The following GLCE variants were observed in gnomAD, a reference collection of about 807,000 sequenced individuals.
The protein encoded by GLCE is D-glucuronyl C5-epimerase.
In GLCE, 19 loss-of-function variants were observed where a neutral mutation model predicts 47.9. The ratio of observed to expected loss-of-function variants is 0.40; its 90% CI spans 0.28 to 0.58. The LOEUF is 0.58. Among genes scored for constraint, GLCE ranks in the 20% least tolerant of loss-of-function variants. The pLI is 0.48. For synonymous variants in GLCE, 245 were observed against 263.4 expected, an observed-to-expected ratio of 0.93 and a Z score of 0.68; for missense variants, 556 against 743.3, an observed-to-expected ratio of 0.75 and a Z score of 2.93.
At chr15:69,261,021 A>G (rs536473268) in intron 3 of GLCE, 66 bp from the exon 4 acceptor site, 2 of 1,429,848 alleles carry the variant, frequency 1.4e-6, no homozygotes, top group South Asian at 2.5e-5. Flanking sequence ...ATCAGTGAGG[A>G]ATGGTATTAG....
chr15:69,180,365 T>TG (rs2140339642), intron 1 of GLCE, among the ~76,000 whole-genome samples: 1 of 152,068 alleles, frequency 6.6e-6, no homozygotes, highest in South Asian at 2.1e-4. Context: ...ACCCCTACCC[T>TG]GAGAAGACAT....
At chr15:69,212,462 A>C (rs1164984729) in intron 2 of GLCE, among the ~76,000 whole-genome samples, 7 of 152,028 alleles carry the variant, frequency 4.6e-5, no homozygotes, top group Non-Finnish European at 1.0e-4. Context: ...TCATTATAAA[A>C]TCAAATACTG....
At chr15:69,253,505 C>T (rs1302463710) in intron 2 of GLCE, among the ~76,000 whole-genome samples, 1 of 152,146 alleles carries the variant, frequency 6.6e-6, no homozygotes, top group Non-Finnish European at 1.5e-5. Context: ...CGAAGATCAC[C>T]AGGCATGGTG....
intron 2 of GLCE, among the ~76,000 whole-genome samples, chr15:69,248,350 T>C (rs1051625349): frequency 6.6e-6 from 1 of 152,240 alleles, no homozygotes; most frequent in Non-Finnish European, 1.5e-5. Context: ...TAAATCTGTT[T>C]TAAAATCGGC....
rs558222092 is a variant in GLCE, at chr15:69,231,166, G to A, written c.-14+20760G>A. 1.3e-3 allele frequency among the ~76,000 whole-genome samples: 199 copies of A among 152,260 alleles called. 2 individuals are homozygous for A. Among genetic ancestry groups the A allele is most frequent in the African/African-American group, 4.6e-3 (190 of 41,552 alleles). ...TGGTGCTCTGCTTAGGTATGGGTAA[G>A]CAGGGGTGAGACAGATTTTATTATA... is the stretch of plus-strand genomic sequence containing the variant. On this transcript the variant is annotated intron_variant, in intron 2 of 4. Coordinates refer to ENST00000261858, the MANE Select transcript of GLCE (RefSeq NM_015554.3).
At chr15:69,178,674 T>C (rs539712316) in intron 1 of GLCE, among the ~76,000 whole-genome samples, 1 of 152,146 alleles carries the variant, frequency 6.6e-6, no homozygotes, top group Admixed American at 6.5e-5. Context: ...TACACAACAC[T>C]GGCAAAGATA....
chr15:69,259,883 AAC>A (rs2052986825), intron 3 of GLCE, among the ~76,000 whole-genome samples: 1 of 152,212 alleles, frequency 6.6e-6, no homozygotes, highest in Admixed American at 6.5e-5. Flanking sequence ...TCTACAACAA[AAC>A]ACATAAAATT....
chr15:69,216,604 A>T (rs1188588240), intron 2 of GLCE, among the ~76,000 whole-genome samples: 3 of 152,050 alleles, frequency 2.0e-5, no homozygotes, highest in Non-Finnish European at 4.4e-5. Context: ...ATGTGCGGGG[A>T]TGCCATGTTA....
At chr15:69,163,457 C>A (rs1394274491) in intron 1 of GLCE, among the ~76,000 whole-genome samples, 2 of 152,008 alleles carry the variant, frequency 1.3e-5, no homozygotes, top group African/African-American at 2.4e-5. Flanking sequence ...TTTTTAGTAA[C>A]CCCTGAATGA....
rs755058720 is a variant in GLCE, at chr15:69,255,892, A to G, written c.86A>G (p.Asn29Ser). 2.5e-6 allele frequency: 4 copies of G among 1,614,006 alleles called. No individual in the cohort carries two copies. In the South Asian group the frequency reaches 4.4e-5, roughly 18 times the overall value. Residue 29 changes from asparagine to serine, a missense_variant, in exon 3 of 5, where the codon AAT becomes AGT. Asn to Ser is a conservative substitution (Grantham distance 46, BLOSUM62 1). This residue lies in a region of GLCE where 237 missense variants were observed against 310.9 expected (regional missense o/e 0.76). Coordinates refer to ENST00000261858, the MANE Select transcript of GLCE (RefSeq NM_015554.3). ...ACTTTGGTCACAGTACTTTTGTGGA[A>G]TAAGTGTTCCAGTGACAAAGCAATC... ...LFTLVTVLLW[N>S]KCSSDKAIQF...
intron 2 of GLCE, among the ~76,000 whole-genome samples, chr15:69,221,564 C>T (rs1035178954): frequency 5.0e-5 from 4 of 79,980 alleles, no homozygotes; most frequent in African/African-American, 9.7e-5. Context: ...TAGAAATTAA[C>T]TAATTAAAAA....
chr15:69,203,884 C>T (rs2052111113), intron 1 of GLCE, among the ~76,000 whole-genome samples: 1 of 151,890 alleles, frequency 6.6e-6, no homozygotes. Context: ...TCCTTAAAAA[C>T]AAATAATTGA....
intron 2 of GLCE, among the ~76,000 whole-genome samples, chr15:69,241,659 T>A (rs2140419199): frequency 6.6e-6 from 1 of 152,346 alleles, no homozygotes; most frequent in Middle Eastern, 3.4e-3. Flanking sequence ...TATATTACAG[T>A]GGTTCTCAAA....
intron 2 of GLCE, among the ~76,000 whole-genome samples, chr15:69,254,538 T>G (rs1390889567): frequency 6.6e-6 from 1 of 152,142 alleles, no homozygotes; most frequent in East Asian, 1.9e-4. Flanking sequence ...AAGATGACAG[T>G]GATTCTGACA....
intron 2 of GLCE, among the ~76,000 whole-genome samples, chr15:69,242,827 C>G (rs1215642336): frequency 6.6e-6 from 1 of 151,748 alleles, no homozygotes; most frequent in East Asian, 1.9e-4. Context: ...GGGGGTGTTG[C>G]TTGAGTTCAG....
chr15:69,266,658 A>T (rs376106711), intron 4 of GLCE: 1 of 503,212 alleles, frequency 2.0e-6, no homozygotes, highest in Middle Eastern at 1.0e-3. Flanking sequence ...CACACTAAAG[A>T]TTTTTTCAAG....
At position 69,210,165 on chromosome 15, in the gene GLCE, C is replaced by T. The variant is rs533584125; in HGVS notation, c.-104-151C>T. ...TACATCAAATTCTGGTTGTTTTAAT[C>T]GGCCTGCTACTGTTACTTTTCAAAG... is the stretch of plus-strand genomic sequence containing the variant. On this transcript the variant is annotated intron_variant, in intron 1 of 4. Coordinates refer to ENST00000261858, the MANE Select transcript of GLCE (RefSeq NM_015554.3). 3.9e-5 allele frequency among the ~76,000 whole-genome samples: 6 copies of T among 152,182 alleles called. No individual in the cohort carries two copies. In the South Asian group the frequency reaches 6.2e-4, roughly 16 times the overall value.
intron 1 of GLCE, among the ~76,000 whole-genome samples, chr15:69,187,353 A>G (rs1225171388): frequency 3.3e-5 from 5 of 152,224 alleles, no homozygotes; most frequent in Non-Finnish European, 7.3e-5. Flanking sequence ...ATACTAATGT[A>G]TGTTGACTGT....
intron 2 of GLCE, among the ~76,000 whole-genome samples, chr15:69,255,487 A>G (rs1033450333): frequency 2.6e-5 from 4 of 152,230 alleles, no homozygotes; most frequent in Middle Eastern, 3.4e-3. Context: ...CTCAAACTGT[A>G]TTAGGTATTT....
Sources: allele counts gnomAD v4.1 joint callset (sites outside exome capture counted in the v4.1 genomes callset), GRCh38; gene constraint gnomAD v4.1.1; regional missense constraint gnomAD v4.1.1; transcripts MANE v1.5; gene names NCBI Gene and HGNC (gene_info 2026-07-23, HGNC 2026-07-21).